HDAC9: variants seen among roughly 807,000 people sequenced by gnomAD.
HDAC9 encodes histone deacetylase 9, also known as MEF-2 interacting transcription repressor (MITR) protein.
Under a neutral mutation model 139.4 loss-of-function variants are expected in HDAC9, and 41 were observed. The ratio of observed to expected loss-of-function variants is 0.29; its 90% CI spans 0.23 to 0.38. The LOEUF is 0.38. Among genes scored for constraint, HDAC9 ranks in the 10% least tolerant of loss-of-function variants. The pLI, the probability that HDAC9 is intolerant of heterozygous loss-of-function variation, is 1.00. For synonymous variants in HDAC9, 517 were observed against 476.2 expected (o/e 1.09, Z -1.12); for missense variants, 1,147 against 1,297.0 (o/e 0.88, Z 1.78).
intron 2 of HDAC9, among the ~76,000 whole-genome samples, chr7:18,197,564 A>G (rs898615913): frequency 6.6e-5 from 10 of 152,170 alleles, no homozygotes; most frequent in African/African-American, 2.4e-5. Context: ...CAGAGTTCAC[A>G]GGTGAATGAG....
In HDAC9 at chr7:18,634,607, T is replaced by C; in HGVS notation, c.797-20T>C. ...TGTATGTTCCTCATGAACACATTTG[T>C]ACTTCACAATATTTTTCAGAATCCT... On this transcript the variant is annotated intron_variant, in intron 7 of 25. Coordinates refer to ENST00000686413, the MANE Select transcript of HDAC9 (RefSeq NM_178425.4). 3.5e-6 allele frequency: 5 copies of C among 1,445,576 alleles called. No individual in the cohort carries two copies. The highest frequency in any genetic ancestry group is 4.8e-6 in the Non-Finnish European group (5 of 1,047,022). The allele number at this position is 1,445,576 out of a possible 1,614,324, so 89.5% of individuals were successfully genotyped here.
At chr7:18,245,208 CA>C (rs1250327277) in intron 2 of HDAC9, among the ~76,000 whole-genome samples, 3 of 152,146 alleles carry the variant, frequency 2.0e-5, no homozygotes, top group Non-Finnish European at 4.4e-5. Flanking sequence ...CTTCATCTCC[CA>C]AAGGTTTACT....
chr7:18,599,227 C>T (rs1393370699), intron 6 of HDAC9, among the ~76,000 whole-genome samples: 2 of 152,172 alleles, frequency 1.3e-5, no homozygotes, highest in African/African-American at 2.4e-5. Context: ...CTCCTCCTAA[C>T]CCCTAGGTTT....
chr7:18,226,815 T>C (rs1045758125), intron 2 of HDAC9, among the ~76,000 whole-genome samples: 1 of 152,220 alleles, frequency 6.6e-6, no homozygotes, highest in Non-Finnish European at 1.5e-5. Flanking sequence ...GCAGGATATG[T>C]AGGCAGTGAC....
intron 1 of HDAC9, among the ~76,000 whole-genome samples, chr7:18,342,477 A>G (rs2128663115): frequency 6.6e-6 from 1 of 152,028 alleles, no homozygotes; most frequent in African/African-American, 2.4e-5. Flanking sequence ...GTGGGATAGT[A>G]AATCTGGTTC....
chr7:18,187,560 C>T (rs1790011403), intron 2 of HDAC9, among the ~76,000 whole-genome samples: 1 of 152,198 alleles, frequency 6.6e-6, no homozygotes, highest in Admixed American at 6.5e-5. Flanking sequence ...TTCCCCTCCA[C>T]ATCAAATCTG....
chr7:18,505,073 C>T (rs1162114227), intron 2 of HDAC9, among the ~76,000 whole-genome samples: 2 of 152,134 alleles, frequency 1.3e-5, no homozygotes, highest in South Asian at 2.1e-4. Flanking sequence ...TAATTAAATT[C>T]GAGGAAGTTA....
At chr7:18,594,793 C>T (rs1583845416) in intron 6 of HDAC9, among the ~76,000 whole-genome samples, 1 of 152,098 alleles carries the variant, frequency 6.6e-6, no homozygotes, top group South Asian at 2.1e-4. Flanking sequence ...TATTCTAAAT[C>T]TCAACGTTGT....
chr7:18,689,032 G>C (rs1782480791), intron 12 of HDAC9, among the ~76,000 whole-genome samples: 1 of 151,904 alleles, frequency 6.6e-6, no homozygotes, highest in African/African-American at 2.4e-5. Flanking sequence ...CCTGTATTCT[G>C]TCACATAAAT....
chr7:18,837,008 A>C (rs1796281601), intron 21 of HDAC9, among the ~76,000 whole-genome samples: 1 of 151,966 alleles, frequency 6.6e-6, no homozygotes, highest in African/African-American at 2.4e-5. Flanking sequence ...TAATTAATGA[A>C]GTTTTGGTGG....
chr7:18,245,999 G>C (rs189897874), intron 2 of HDAC9, among the ~76,000 whole-genome samples: 230 of 151,676 alleles, frequency 1.5e-3, no homozygotes, highest in African/African-American at 5.1e-3. Flanking sequence ...TATGTACCAG[G>C]TGCTTATCTG....
intron 1 of HDAC9, among the ~76,000 whole-genome samples, chr7:18,480,673 G>A (rs1795479633): frequency 6.6e-6 from 1 of 152,172 alleles, no homozygotes. Flanking sequence ...CTGTTCTGCT[G>A]CAACACGTGT....
intron 2 of HDAC9, among the ~76,000 whole-genome samples, chr7:18,552,698 A>G (rs568227817): frequency 6.6e-6 from 1 of 152,210 alleles, no homozygotes; most frequent in Non-Finnish European, 1.5e-5. Context: ...CACAATGTAT[A>G]TTTTCCTTAC....
rs536877475 is a variant in HDAC9 at position 18,924,547 on chromosome 7, A to G, written c.2804-11262A>G. Among the ~76,000 whole-genome samples the G allele has an allele frequency of 1.1e-3, 170 of 152,198 alleles. 3 individuals carry two copies. The highest frequency in any genetic ancestry group is 6.6e-3 in the South Asian group (32 of 4,822). ...AAACCCTGGTCATTTGGGAAATGCA[A>G]TTCCAAGGAATGTTTTTGGCAATGA... On this transcript the variant is annotated intron_variant, in intron 22 of 25. Transcript: ENST00000686413.
chr7:18,487,641 G>A (rs1796070342), intron 1 of HDAC9, among the ~76,000 whole-genome samples: 1 of 152,040 alleles, frequency 6.6e-6, no homozygotes, highest in Non-Finnish European at 1.5e-5. Flanking sequence ...TGAAACATAA[G>A]TAAAATATGT....
At chr7:18,484,655 C>A (rs188344226) in intron 1 of HDAC9, among the ~76,000 whole-genome samples, 35 of 152,098 alleles carry the variant, frequency 2.3e-4, no homozygotes, top group Admixed American at 4.6e-4. Context: ...AACTAGGCCT[C>A]GGTTTTTGAA....
chr7:18,965,546 A>G (rs368995031), intron 24 of HDAC9, among the ~76,000 whole-genome samples: 1 of 152,238 alleles, frequency 6.6e-6, no homozygotes, highest in East Asian at 1.9e-4. Flanking sequence ...TAGGGAGAAA[A>G]GGAAGAGGAA....
chr7:18,622,858 C>T (rs567040854), intron 6 of HDAC9, among the ~76,000 whole-genome samples: 15 of 151,538 alleles, frequency 9.9e-5, no homozygotes, highest in Non-Finnish European at 2.1e-4. Context: ...TAAGAGTGAA[C>T]AGAGGCCGGG....
At chr7:18,975,748 T>G (rs1784509595) in intron 24 of HDAC9, 58 bp from the exon 25 acceptor site, 1 of 1,524,924 alleles carries the variant, frequency 6.6e-7, no homozygotes. Flanking sequence ...ATGTGAGTAT[T>G]CTGATTATTA....
Sources: gnomAD v4.1 joint callset for allele counts (sites outside exome capture counted in the v4.1 genomes callset) on GRCh38, gnomAD v4.1.1 for gene constraint, MANE v1.5 for transcripts, NCBI Gene and HGNC (gene_info 2026-07-23, HGNC 2026-07-21) for gene names.